DHRS2: variants seen among roughly 807,000 people sequenced by gnomAD.
DHRS2 encodes dehydrogenase/reductase 2.
DHRS2 carries 29 observed loss-of-function variants against 26.3 expected under a neutral mutation model. The observed-to-expected ratio is 1.10, with a 90% CI of 0.82 to 1.50. The LOEUF is 1.50. Among genes scored for constraint, DHRS2 ranks in the 40% most tolerant of loss-of-function variants. DHRS2 has a pLI of 0.00. For missense variants in DHRS2, 439 were observed against 367.1 expected, an observed-to-expected ratio of 1.20 and a Z score of -1.60; for synonymous variants, 164 against 151.3, an observed-to-expected ratio of 1.08 and a Z score of -0.62.
At chr14:23,632,554 T>G (rs750912665), upstream of DHRS2, among the ~76,000 whole-genome samples, 5 of 152,214 alleles carry the variant, frequency 3.3e-5, no homozygotes, top group Non-Finnish European at 7.4e-5. Context: ...ATTTTGACAC[T>G]GAGTACAGAC....
At chr14:23,644,655 G>T in intron 7 of DHRS2, 112 bp downstream of exon 7, 1 of 1,542,112 alleles carries the variant, frequency 6.5e-7, no homozygotes, top group Non-Finnish European at 8.9e-7. Context: ...CTATGACTGA[G>T]GTCCTCATTG....
chr14:23,641,642 T>G (rs1890674566), intron 4 of DHRS2: 2 of 1,289,842 alleles, frequency 1.6e-6, no homozygotes, highest in Non-Finnish European at 2.0e-6. Flanking sequence ...ACAGCTAACC[T>G]AATCCTCAAT....
chr14:23,642,624 T>C (rs1890712890), intron 4 of DHRS2: 1 of 154,240 alleles, frequency 6.5e-6, no homozygotes, highest in African/African-American at 2.4e-5. Context: ...TGGAGTGCAG[T>C]GGCATGATCA....
At chr14:23,643,008 C>T (rs1336062010) in intron 4 of DHRS2, 144 bp from the exon 5 acceptor site, 4 of 767,126 alleles carry the variant, frequency 5.2e-6, no homozygotes, top group Non-Finnish European at 8.8e-6. Flanking sequence ...ACCTCTTGCA[C>T]CAGTCAGAAG....
At position 23,636,506 on chromosome 14, in the gene DHRS2, C is replaced by T. The variant is rs1594236786; in HGVS notation, c.-305C>T. The T allele has an allele frequency of 6.6e-6, 1 of 152,198 alleles. No homozygotes were observed. The highest frequency in any genetic ancestry group is 1.9e-4 in the East Asian group (1 of 5,190). The allele number at this position is 152,198 out of a possible 1,614,324, so 9.4% of individuals were successfully genotyped here. On this transcript the variant is annotated 5_prime_UTR_variant, in exon 1 of 9. Coordinates refer to ENST00000250383, the MANE Select transcript of DHRS2 (RefSeq NM_005794.4). ...ACCGCGAAGGTCTGCAACTTCACTC[C>T]TGGGGCCAGCAAGACCACGAATGCA...
In DHRS2 at chr14:23,639,851, C is replaced by T. The variant is rs146755306; in HGVS notation, c.376C>T (p.Leu126=). 337 of 1,610,230 alleles carry T rather than the reference C, an allele frequency of 2.1e-4. 1 individual carries two copies. The African/African-American group carries it at 4.1e-3, about 20-fold the overall frequency. Residue 126 remains leucine (L), a synonymous_variant, in exon 4 of 9, where the codon CTG becomes TTG. Coordinates refer to ENST00000250383, the MANE Select transcript of DHRS2 (RefSeq NM_005794.4). ...FLVCSAGVNP[L]VGSTLGTSEQ... ...GGTGTGCAGCGCAGGGGTCAACCCT[C>T]TGGTAGGGAGCACTCTGGGGACCAG...
intron 6 of DHRS2, 56 bp from the exon 7 acceptor site, chr14:23,644,353 C>A (rs572126772): frequency 5.4e-5 from 86 of 1,606,536 alleles, no homozygotes; most frequent in Non-Finnish European, 7.2e-5. Flanking sequence ...AGAAATCCAA[C>A]TGATGCTTTC....
chr14:23,631,523 C>T (rs1220204762), upstream of DHRS2, among the ~76,000 whole-genome samples: 1 of 152,010 alleles, frequency 6.6e-6, no homozygotes, highest in Non-Finnish European at 1.5e-5. Context: ...CATTCTTTCT[C>T]CTCTAATCTT....
At chr14:23,643,414 T>C in intron 5 of DHRS2, 195 bp downstream of exon 5, 1 of 585,208 alleles carries the variant, frequency 1.7e-6, no homozygotes, top group Non-Finnish European at 3.0e-6. Context: ...ATGAGAGTAG[T>C]ATTCCAGGGG....
intron 4 of DHRS2, chr14:23,642,785 C>G (rs1890721407): frequency 4.9e-6 from 1 of 205,810 alleles, no homozygotes; most frequent in African/African-American, 2.3e-5. Flanking sequence ...TCAGGCTGGT[C>G]TTGAACTTTT....
At chr14:23,641,605 G>A (rs1890672327) in intron 4 of DHRS2, 1 of 1,289,066 alleles carries the variant, frequency 7.8e-7, no homozygotes, top group Admixed American at 2.3e-5. Flanking sequence ...TGGGCTGGTT[G>A]GGGTCTGTTT....
chr14:23,641,534 G>A (rs2138386488), intron 4 of DHRS2: 1 of 1,170,054 alleles, frequency 8.5e-7, no homozygotes, highest in Non-Finnish European at 1.1e-6. Context: ...GAGTCCAGGA[G>A]GGGTCTTACC....
chr14:23,638,674 C>G (rs1050319301), intron 1 of DHRS2, 153 bp from the exon 2 acceptor site: 2 of 690,778 alleles, frequency 2.9e-6, no homozygotes, highest in Non-Finnish European at 4.7e-6. Flanking sequence ...GCTTTCCTGA[C>G]CTGAGGTTCA....
chr14:23,645,271 G>T lies in DHRS2; in HGVS notation c.*18G>T, dbSNP rs754604686. On this transcript the variant is annotated 3_prime_UTR_variant, in exon 9 of 9. Transcript: ENST00000250383. ...GGCTCTGAGAGGAGTGGGGGCGGCT[G>T]CGTAGCTGTGGTCCCAGGCCCAGGA... 1 of 1,613,978 alleles carries T rather than the reference G, an allele frequency of 6.2e-7. No individual in the cohort carries two copies. Among genetic ancestry groups the T allele is most frequent in the East Asian group, 2.2e-5 (1 of 44,878 alleles).
upstream of DHRS2, among the ~76,000 whole-genome samples, chr14:23,634,628 T>C (rs1890217401): frequency 6.6e-6 from 1 of 152,242 alleles, no homozygotes; most frequent in Admixed American, 6.5e-5. Flanking sequence ...CTTCAGCTCA[T>C]TCATTTTCAT....
intron 5 of DHRS2, 66 bp downstream of exon 5, chr14:23,643,285 C>T (rs537782065): frequency 5.5e-6 from 8 of 1,447,754 alleles, no homozygotes; most frequent in Admixed American, 1.7e-5. Context: ...GAAATACAGT[C>T]GGTAGCACAG....
chr14:23,630,245 G>C (rs1232892089), intron 1 of DHRS2: 2 of 152,258 alleles, frequency 1.3e-5, no homozygotes, highest in African/African-American at 4.8e-5. Flanking sequence ...GGTAAGCCTG[G>C]GCCAGCATCA....
Position 23,639,786 on chromosome 14 carries a change from C to A in DHRS2, c.319-8C>A. Reference sequence around the variant, plus strand: ...CATCTCCACACTCATCCAATCTCCTCTCCGCAGGCCCTGGAGCACTGTGGG... The same window carrying A: ...CATCTCCACACTCATCCAATCTCCTATCCGCAGGCCCTGGAGCACTGTGGG... On this transcript the variant is annotated splice_polypyrimidine_tract_variant and splice_region_variant and intron_variant, in intron 3 of 8. Transcript: ENST00000250383. The A allele has an allele frequency of 6.3e-7, 1 of 1,599,962 alleles. No homozygotes were observed. Among genetic ancestry groups the A allele is most frequent in the East Asian group, 2.3e-5 (1 of 43,980 alleles).
rs1297529044 is a variant in DHRS2, at chr14:23,644,387, ACT to A, written c.541-19_541-18del. On this transcript the variant is annotated intron_variant, in intron 6 of 8. Coordinates refer to ENST00000250383, the MANE Select transcript of DHRS2 (RefSeq NM_005794.4). ...TCCCCCACTCTCCCATATCCTAATC[ACT>A]CTGTCAATTCCCTTCCCAGGCGCTG... is the stretch of plus-strand genomic sequence containing the variant. 24 of 1,613,504 alleles carry A rather than the reference ACT, an allele frequency of 1.5e-5. No individual in the cohort carries two copies. Among genetic ancestry groups the A allele is most frequent in the Non-Finnish European group, 1.8e-5 (21 of 1,179,910 alleles).
Sources: allele counts gnomAD v4.1 joint callset (sites outside exome capture counted in the v4.1 genomes callset), GRCh38; gene constraint gnomAD v4.1.1; transcripts MANE v1.5; gene names NCBI Gene and HGNC (gene_info 2026-07-23, HGNC 2026-07-21).